PIEZO2: variants seen among roughly 807,000 people sequenced by gnomAD.
The protein encoded by PIEZO2 is piezo-type mechanosensitive ion channel component 2.
A neutral mutation model predicts 337.3 loss-of-function variants in PIEZO2; 172 were observed. The ratio of observed to expected loss-of-function variants is 0.51; its 90% CI spans 0.45 to 0.58. The LOEUF (loss-of-function observed/expected upper bound fraction) is 0.58, where lower values mean the gene tolerates loss of function less well. Among genes scored for constraint, PIEZO2 ranks in the 20% least tolerant of loss-of-function variants. The probability of loss-of-function intolerance (pLI) is 0.00; values close to 1 mark genes in which losing one functional copy is unlikely to be tolerated. For missense variants in PIEZO2, 3,028 were observed against 3,391.3 expected (o/e 0.89, Z 2.66); for synonymous variants, 1,251 against 1,228.5 (o/e 1.02, Z -0.38).
In PIEZO2 at chr18:11,014,515, T is replaced by A. The variant is rs373016347; in HGVS notation, c.161-34855A>T. Among the ~76,000 whole-genome samples the A allele has an allele frequency of 1.2e-4, 15 of 122,936 alleles. No homozygotes were observed. In the South Asian group the frequency reaches 3.2e-3, roughly 26 times the overall value. 80.7% of individuals were successfully genotyped at this position (122,936 alleles called of 152,430 possible). ...CCCCCTCATTCCTCAGTGGTGGGCA[T>A]TTCACCCTGTGTGGGACAGCGATCC... On this transcript the variant is annotated intron_variant, in intron 2 of 55. Coordinates refer to ENST00000674853, the MANE Select transcript of PIEZO2 (RefSeq NM_001378183.1).
intron 2 of PIEZO2, among the ~76,000 whole-genome samples, chr18:10,990,062 A>G (rs773335598): frequency 4.6e-5 from 7 of 152,190 alleles, no homozygotes; most frequent in Non-Finnish European, 8.8e-5. Context: ...TTCTGAAGAG[A>G]TGAATATGTA....
intron 4 of PIEZO2, among the ~76,000 whole-genome samples, chr18:10,889,508 G>A (rs949247473): frequency 3.3e-5 from 5 of 152,150 alleles, no homozygotes; most frequent in East Asian, 1.9e-4. Flanking sequence ...GGAAGATGAC[G>A]GTTAAGGGCA....
At chr18:10,690,685 G>A (rs2143618254) in intron 48 of PIEZO2, among the ~76,000 whole-genome samples, 1 of 152,318 alleles carries the variant, frequency 6.6e-6, no homozygotes, top group Middle Eastern at 3.4e-3. Flanking sequence ...ATTTGCGAGA[G>A]AACAGAGAGG....
At chr18:10,780,034 G>T (rs933019763) in intron 18 of PIEZO2, among the ~76,000 whole-genome samples, 1 of 152,148 alleles carries the variant, frequency 6.6e-6, no homozygotes, top group South Asian at 2.1e-4. Flanking sequence ...GAGTTCTCAG[G>T]CAAGCCTTGC....
At chr18:11,139,287 A>G (rs2040574792) in intron 1 of PIEZO2, among the ~76,000 whole-genome samples, 1 of 152,214 alleles carries the variant, frequency 6.6e-6, no homozygotes. Context: ...ATCTGGCGTT[A>G]GACCTGGGGC....
intron 11 of PIEZO2, among the ~76,000 whole-genome samples, chr18:10,798,876 C>A (rs931709840): frequency 1.1e-4 from 16 of 151,868 alleles, no homozygotes; most frequent in African/African-American, 3.6e-4. Context: ...TAAGCCTGAG[C>A]TGCAAACTAA....
chr18:10,823,628 C>G (rs1477781897), intron 7 of PIEZO2, among the ~76,000 whole-genome samples: 1 of 152,132 alleles, frequency 6.6e-6, no homozygotes, highest in Non-Finnish European at 1.5e-5. Context: ...GGAAACAACC[C>G]AGTTCAAAAA....
intron 7 of PIEZO2, among the ~76,000 whole-genome samples, chr18:10,811,621 G>A (rs956229074): frequency 6.6e-6 from 1 of 152,112 alleles, no homozygotes; most frequent in Non-Finnish European, 1.5e-5. Flanking sequence ...TGATTTTAGT[G>A]CCCCACTTTA....
rs1364361710 is a variant in PIEZO2, at chr18:10,872,551, G to C, written c.330-1136C>G. 6.6e-6 allele frequency among the ~76,000 whole-genome samples: 1 copy of C among 152,114 alleles called. No individual in the cohort carries two copies. Among genetic ancestry groups the C allele is most frequent in the Non-Finnish European group, 1.5e-5 (1 of 68,028 alleles). On this transcript the variant is annotated intron_variant, in intron 4 of 55. Coordinates refer to ENST00000674853, the MANE Select transcript of PIEZO2 (RefSeq NM_001378183.1). This position sits in a 1 kb window ranked among gnomAD's most constrained non-coding sequence, Gnocchi z 4.3. ...AGACACCAGAGCTTAATAGGCACTG[G>C]CAGACTTCTCACACCATTCAGCACA...
chr18:10,960,023 T>C (rs2033698609), intron 3 of PIEZO2, among the ~76,000 whole-genome samples: 1 of 152,212 alleles, frequency 6.6e-6, no homozygotes, highest in Non-Finnish European at 1.5e-5. Context: ...CATCTTTTTA[T>C]ATTTGTACAA....
intron 1 of PIEZO2, among the ~76,000 whole-genome samples, chr18:11,140,620 T>C (rs539536002): frequency 6.6e-6 from 1 of 152,228 alleles, no homozygotes; most frequent in African/African-American, 2.4e-5. Context: ...TGGGTGTTAG[T>C]GTAGATCCTC....
rs2039572917 is a variant in PIEZO2 at position 10,795,693 on chromosome 18, C to T, written c.1528-691G>A. Among the ~76,000 whole-genome samples the T allele has an allele frequency of 6.6e-6, 1 of 152,112 alleles. No homozygotes were observed. Among genetic ancestry groups the T allele is most frequent in the South Asian group, 2.1e-4 (1 of 4,822 alleles). On this transcript the variant is annotated intron_variant, in intron 12 of 55. Transcript: ENST00000674853. The surrounding 1 kb of genome is among the most constrained non-coding windows in gnomAD (Gnocchi z 4.4). ...TTACTGGAAACTGAAGTTGAGCATA[C>T]ACAGGTTCATCTGAGAAGCACCTGG... is the stretch of plus-strand genomic sequence containing the variant.
At chr18:11,136,667 T>A (rs2040497542) in intron 1 of PIEZO2, among the ~76,000 whole-genome samples, 1 of 152,164 alleles carries the variant, frequency 6.6e-6, no homozygotes, top group Non-Finnish European at 1.5e-5. Context: ...GAGAGGGGGT[T>A]GAAGAACAGG....
chr18:10,671,980 T>A (rs912508741), intron 55 of PIEZO2, among the ~76,000 whole-genome samples: 1 of 152,230 alleles, frequency 6.6e-6, no homozygotes, highest in Non-Finnish European at 1.5e-5. Flanking sequence ...GAATTATGTA[T>A]TACAGAACTG....
intron 1 of PIEZO2, among the ~76,000 whole-genome samples, chr18:11,134,697 A>G (rs1332289193): frequency 6.6e-6 from 1 of 152,214 alleles, no homozygotes; most frequent in East Asian, 1.9e-4. Flanking sequence ...TTTGCAGTAG[A>G]CACTAAGCTC....
In PIEZO2 at chr18:10,677,630, C is replaced by A; in HGVS notation, c.8081+117G>T. ...AATGGGGCCTCCAAATAGAAATTAA[C>A]TTTGTGTTACCAAAGAATGAAGTTG... On this transcript the variant is annotated intron_variant, in intron 53 of 55. Transcript: ENST00000674853. The surrounding 1 kb of genome is among the most constrained non-coding windows in gnomAD (Gnocchi z 4.1). The A allele has an allele frequency of 1.5e-6, 2 of 1,291,208 alleles. No homozygotes were observed. Among genetic ancestry groups the A allele is most frequent in the Admixed American group, 4.8e-5 (2 of 41,242 alleles). 80.0% of individuals were successfully genotyped at this position (1,291,208 alleles called of 1,614,324 possible). A position where few individuals can be genotyped will look rare whatever the true frequency, so the allele number is the denominator to read the frequency against.
chr18:10,697,206 C>T (rs2035132732), intron 45 of PIEZO2, among the ~76,000 whole-genome samples: 1 of 152,168 alleles, frequency 6.6e-6, no homozygotes, highest in South Asian at 2.1e-4. Flanking sequence ...TTCAACGCCA[C>T]GTTCAGGTGC....
At chr18:10,684,387 A>G (rs1372114572) in intron 49 of PIEZO2, among the ~76,000 whole-genome samples, 3 of 149,672 alleles carry the variant, frequency 2.0e-5, no homozygotes, top group South Asian at 2.1e-4. Flanking sequence ...GGGTGGTCTC[A>G]ATCTCCTGGC....
intron 1 of PIEZO2, among the ~76,000 whole-genome samples, chr18:11,091,404 A>G (rs1236635833): frequency 1.3e-5 from 2 of 151,970 alleles, no homozygotes; most frequent in African/African-American, 4.8e-5. Flanking sequence ...AAAAAAGAAA[A>G]AAAGAAAAAG....
Sources: allele counts gnomAD v4.1 joint callset (sites outside exome capture counted in the v4.1 genomes callset), GRCh38; gene constraint gnomAD v4.1.1; non-coding constraint Gnocchi (gnomAD v3.1); transcripts MANE v1.5; gene names NCBI Gene and HGNC (gene_info 2026-07-23, HGNC 2026-07-21).